ASCC3: variants seen among roughly 807,000 people sequenced by gnomAD.
ASCC3 encodes activating signal cointegrator 1 complex subunit 3, also known as ASC-1 complex subunit P200.
In ASCC3, 158 loss-of-function variants were observed where a neutral mutation model predicts 256.3. The observed-to-expected ratio is 0.62, with a 90% CI of 0.54 to 0.70. The LOEUF (loss-of-function observed/expected upper bound fraction) is 0.70. ASCC3 is among the 30% of genes least tolerant of loss of function. ASCC3 has a pLI of 0.00. For missense variants in ASCC3, 2,259 were observed against 2,626.0 expected, an observed-to-expected ratio of 0.86 and a Z score of 3.05; for synonymous variants, 948 against 883.4, an observed-to-expected ratio of 1.07 and a Z score of -1.30.
At chr6:100,622,529 C>G (rs1774011906) in intron 30 of ASCC3, among the ~76,000 whole-genome samples, 1 of 152,002 alleles carries the variant, frequency 6.6e-6, no homozygotes, top group Non-Finnish European at 1.5e-5. Context: ...ATTACCCAGT[C>G]TTGGGTAGTT....
At chr6:100,585,707 G>C (rs1419701047) in intron 36 of ASCC3, among the ~76,000 whole-genome samples, 2 of 152,048 alleles carry the variant, frequency 1.3e-5, no homozygotes, top group Non-Finnish European at 2.9e-5. Context: ...CCATCTTTGT[G>C]GTTTTATCTA....
intron 37 of ASCC3, among the ~76,000 whole-genome samples, chr6:100,520,730 G>C (rs2114620105): frequency 6.6e-6 from 1 of 152,222 alleles, no homozygotes; most frequent in East Asian, 1.9e-4. Context: ...ACAGTATTCA[G>C]TACACTAACA....
At chr6:100,741,100 TG>T (rs1482932206) in intron 10 of ASCC3, among the ~76,000 whole-genome samples, 3 of 152,240 alleles carry the variant, frequency 2.0e-5, no homozygotes, top group African/African-American at 7.2e-5. Context: ...CCTCAGCATT[TG>T]CTTCTCTGAA....
At chr6:100,549,432 A>AT (rs1278125188) in intron 36 of ASCC3, among the ~76,000 whole-genome samples, 2 of 151,942 alleles carry the variant, frequency 1.3e-5, no homozygotes, top group African/African-American at 4.8e-5. Context: ...AACAATGTTT[A>AT]TTTAACCCTG....
intron 18 of ASCC3, among the ~76,000 whole-genome samples, chr6:100,651,953 C>T (rs1346928961): frequency 2.0e-5 from 3 of 151,966 alleles, no homozygotes; most frequent in Non-Finnish European, 4.4e-5. Flanking sequence ...CTGGTTTGTG[C>T]TTATTTTCAG....
chr6:100,778,862 C>G (rs1020676132), intron 8 of ASCC3, among the ~76,000 whole-genome samples: 1 of 151,858 alleles, frequency 6.6e-6, no homozygotes, highest in Non-Finnish European at 1.5e-5. Flanking sequence ...ATTTGAGAAA[C>G]GTTTGGCTAT....
At chr6:100,823,388 G>C (rs542717456) in intron 4 of ASCC3, among the ~76,000 whole-genome samples, 1 of 152,152 alleles carries the variant, frequency 6.6e-6, no homozygotes, top group African/African-American at 2.4e-5. Context: ...TGCGGGTATA[G>C]AAACAGACTT....
At chr6:100,811,959 T>C (rs1770491165) in intron 4 of ASCC3, among the ~76,000 whole-genome samples, 1 of 152,154 alleles carries the variant, frequency 6.6e-6, no homozygotes, top group South Asian at 2.1e-4. Context: ...GAGACAGTAA[T>C]AAGCTTGAGA....
intron 8 of ASCC3, among the ~76,000 whole-genome samples, chr6:100,783,216 A>C (rs1782528343): frequency 6.6e-6 from 1 of 152,048 alleles, no homozygotes; most frequent in African/African-American, 2.4e-5. Context: ...ATTATTCTAC[A>C]CCATATGTCC....
intron 30 of ASCC3, among the ~76,000 whole-genome samples, chr6:100,618,496 C>A (rs1029594850): frequency 1.2e-4 from 19 of 152,164 alleles, no homozygotes; most frequent in African/African-American, 4.3e-4. Flanking sequence ...CTTAGGATAT[C>A]GGACAGCCTC....
intron 13 of ASCC3, among the ~76,000 whole-genome samples, chr6:100,696,353 C>A (rs1778081604): frequency 6.6e-6 from 1 of 151,998 alleles, no homozygotes; most frequent in Non-Finnish European, 1.5e-5. Flanking sequence ...TGAGAAAATA[C>A]ATGGATAATT....
intron 34 of ASCC3, among the ~76,000 whole-genome samples, chr6:100,590,532 T>C (rs752865152): frequency 1.2e-4 from 18 of 152,238 alleles, no homozygotes; most frequent in Non-Finnish European, 2.2e-4. Context: ...GGCAGTTCCC[T>C]AATTCCTACT....
intron 14 of ASCC3, among the ~76,000 whole-genome samples, chr6:100,676,644 C>T (rs1777022714): frequency 6.6e-6 from 1 of 152,046 alleles, no homozygotes; most frequent in South Asian, 2.1e-4. Context: ...ATGAGAAGTC[C>T]TGAGGTGTAA....
chr6:100,872,186 T>C (rs1452157306), intron 1 of ASCC3, among the ~76,000 whole-genome samples: 1 of 152,160 alleles, frequency 6.6e-6, no homozygotes, highest in East Asian at 1.9e-4. Flanking sequence ...GCCTCTGGCA[T>C]GGTCTTACAA....
In ASCC3 at chr6:100,571,362, G is replaced by A. The variant is rs1384595407; in HGVS notation, c.5550+18272C>T. Among the ~76,000 whole-genome samples the A allele has an allele frequency of 5.3e-5, 8 of 151,944 alleles. No individual in the cohort carries two copies. In the East Asian group the frequency reaches 7.7e-4, roughly 15 times the overall value. On this transcript the variant is annotated intron_variant, in intron 36 of 41. Transcript: ENST00000369162. The stretch of plus-strand genomic sequence containing the variant: ...CATAAACTATCCTATTAATAACAGC[G>A]TCCTCTAATTATCTTCTGATTATTA...
rs1045124261 is a variant in ASCC3 at position 100,601,832 on chromosome 6, G to A, written c.5281C>T (p.Arg1761Ter). 3.1e-6 allele frequency: 5 copies of A among 1,612,166 alleles called. No individual in the cohort carries two copies. The African/African-American group carries it at 4.0e-5, about 13-fold the overall frequency. The change falls in exon 34 of 42, where the codon CGA becomes TGA. Residue 1761 changes from arginine (R) to a stop codon, truncating the protein, a stop_gained. Transcript: ENST00000369162. LOFTEE classifies it high-confidence loss of function. ...LDYITWTYFF[R>*]RLIMNPSYYN... Reference sequence around the variant, plus strand: ...TACCTGGGATTCATGATAAGACGTCGGAAAAAGTAAGTCCAGGTGATATAA... The same window carrying A: ...TACCTGGGATTCATGATAAGACGTCAGAAAAAGTAAGTCCAGGTGATATAA...
intron 10 of ASCC3, among the ~76,000 whole-genome samples, chr6:100,745,504 CAA>C (rs10711038): frequency 0.48 from 68,775 of 144,162 alleles, 16,190 homozygotes; most frequent in South Asian, 0.6. Context: ...AAAACCTAAC[CAA>C]AAAAAAAAAA....
chr6:100,867,583 T>TA (rs945997703), intron 2 of ASCC3, among the ~76,000 whole-genome samples: 2 of 151,782 alleles, frequency 1.3e-5, no homozygotes, highest in Non-Finnish European at 2.9e-5. Flanking sequence ...AGACCACTGG[T>TA]AAAAAAACTT....
At chr6:100,771,983 C>A (rs1227062204) in intron 8 of ASCC3, among the ~76,000 whole-genome samples, 1 of 148,904 alleles carries the variant, frequency 6.7e-6, no homozygotes, top group Non-Finnish European at 1.5e-5. Context: ...AGGTTCACAC[C>A]ATTCTCCTGC....
Sources: allele counts gnomAD v4.1 joint callset (sites outside exome capture counted in the v4.1 genomes callset), GRCh38; gene constraint gnomAD v4.1.1; transcripts MANE v1.5; gene names NCBI Gene and HGNC (gene_info 2026-07-23, HGNC 2026-07-21).